The following NALCN variants were observed in gnomAD, a reference collection of about 807,000 sequenced individuals.
NALCN encodes the protein sodium leak channel NALCN.
NALCN carries 111 observed loss-of-function variants against 225.3 expected under a neutral mutation model. That is an observed-to-expected ratio of 0.49 (90% confidence interval 0.42 to 0.58). The LOEUF (loss-of-function observed/expected upper bound fraction) is 0.58. Among genes scored for constraint, NALCN ranks in the 20% least tolerant of loss-of-function variants. The pLI is 0.00. For missense variants in NALCN, 1,378 were observed against 2,202.4 expected (o/e 0.63, Z 7.49); for synonymous variants, 764 against 769.0 (o/e 0.99, Z 0.11).
At chr13:101,156,732 C>T (rs1239921281) in intron 15 of NALCN, among the ~76,000 whole-genome samples, 1 of 152,044 alleles carries the variant, frequency 6.6e-6, no homozygotes, top group African/African-American at 2.4e-5. Context: ...ACTTAGTGTG[C>T]ATGTAACGTT....
intron 17 of NALCN, 83 bp from the exon 18 acceptor site, chr13:101,124,764 T>TA: frequency 9.0e-7 from 1 of 1,107,362 alleles, no homozygotes; most frequent in Non-Finnish European, 1.4e-6. Flanking sequence ...ATGACATTGT[T>TA]AAAACATGAA....
At chr13:101,259,185 A>G (rs1328425886) in intron 10 of NALCN, among the ~76,000 whole-genome samples, 2 of 152,124 alleles carry the variant, frequency 1.3e-5, no homozygotes, top group Non-Finnish European at 2.9e-5. Flanking sequence ...CTAATAAGGA[A>G]ACTGAGGCTC....
chr13:101,331,121 T>A (rs1334150867), intron 7 of NALCN, among the ~76,000 whole-genome samples: 1 of 152,094 alleles, frequency 6.6e-6, no homozygotes, highest in Non-Finnish European at 1.5e-5. Flanking sequence ...CCAGTCACAG[T>A]TCAGGCCAGA....
chr13:101,055,830 A>T (rs1477060570), intron 43 of NALCN, among the ~76,000 whole-genome samples: 3 of 151,876 alleles, frequency 2.0e-5, no homozygotes, highest in African/African-American at 7.3e-5. Flanking sequence ...CATATGCAAT[A>T]AAAAAAACAA....
At chr13:101,359,657 G>A (rs899677935) in intron 6 of NALCN, among the ~76,000 whole-genome samples, 2 of 152,168 alleles carry the variant, frequency 1.3e-5, no homozygotes, top group Non-Finnish European at 2.9e-5. Context: ...TAATCTGGCA[G>A]CTGCCCTTCT....
chr13:101,323,004 C>T (rs2044807624), intron 7 of NALCN, among the ~76,000 whole-genome samples: 3 of 152,058 alleles, frequency 2.0e-5, no homozygotes, highest in South Asian at 4.1e-4. Context: ...TGAGCCACTG[C>T]GCCTGGCCCT....
intron 1 of NALCN, among the ~76,000 whole-genome samples, chr13:101,400,720 T>C (rs2047452250): frequency 6.6e-6 from 1 of 152,172 alleles, no homozygotes; most frequent in African/African-American, 2.4e-5. Flanking sequence ...TTTATCTACC[T>C]GGGCAGGTAT....
intron 38 of NALCN, 121 bp from the exon 39 acceptor site, chr13:101,068,154 A>T (rs2032573845): frequency 1.5e-6 from 1 of 650,910 alleles, no homozygotes; most frequent in East Asian, 2.8e-5. Context: ...CCAAATTTTT[A>T]AAGTGCTTTT....
chr13:101,409,564 T>G (rs2047719738), intron 1 of NALCN, among the ~76,000 whole-genome samples: 1 of 152,188 alleles, frequency 6.6e-6, no homozygotes, highest in African/African-American at 2.4e-5. Flanking sequence ...GCTGCTACTA[T>G]CATTTATATA....
intron 28 of NALCN, 138 bp from the exon 29 acceptor site, chr13:101,090,104 G>T (rs1163170101): frequency 1.6e-6 from 2 of 1,242,762 alleles, no homozygotes; most frequent in Admixed American, 2.2e-5. Flanking sequence ...ACACACACAC[G>T]TGTGCGTGCA....
chr13:101,176,423 C>T, intron 14 of NALCN, 49 bp from the exon 15 acceptor site: 2 of 1,394,896 alleles, frequency 1.4e-6, no homozygotes, highest in Admixed American at 2.2e-5. Flanking sequence ...CCATAAGTAT[C>T]AAAATATTAT....
At chr13:101,235,859 T>G (rs1404609139) in intron 12 of NALCN, among the ~76,000 whole-genome samples, 1 of 152,216 alleles carries the variant, frequency 6.6e-6, no homozygotes. Flanking sequence ...AAGTGTCTAG[T>G]TACCTGTGAT....
At chr13:101,281,122 C>G (rs1437574870) in intron 10 of NALCN, among the ~76,000 whole-genome samples, 1 of 152,138 alleles carries the variant, frequency 6.6e-6, no homozygotes, top group African/African-American at 2.4e-5. Context: ...CTCAGGTGAT[C>G]TGCCTGCCTC....
At chr13:101,143,324 T>C in intron 16 of NALCN, 103 bp from the exon 17 acceptor site, 8 of 1,205,780 alleles carry the variant, frequency 6.6e-6, no homozygotes, top group Middle Eastern at 5.1e-4. Flanking sequence ...AAAGCAGTGA[T>C]AAAAGATCAT....
chr13:101,297,129 T>C (rs2043785553), intron 7 of NALCN, among the ~76,000 whole-genome samples: 1 of 152,210 alleles, frequency 6.6e-6, no homozygotes. Context: ...TCTTCTAGTC[T>C]TAGGTTACAT....
rs538727952 is a variant in NALCN, at chr13:101,228,280, CATTA to C, written c.1626+1109_1626+1112del. ...ATCCCTAAAATAAAGCTAAGCTATCCATTAGAAGTACAGACCCTTTTGCTGTCAA... is the reference window on the plus strand; with the variant it reads ...ATCCCTAAAATAAAGCTAAGCTATCCGAAGTACAGACCCTTTTGCTGTCAA... On this transcript the variant is annotated intron_variant, in intron 13 of 43. Transcript: ENST00000251127. 3.3e-3 allele frequency among the ~76,000 whole-genome samples: 497 copies of C among 152,216 alleles called. 3 individuals are homozygous for C. The highest frequency in any genetic ancestry group is 0.01 in the African/African-American group (419 of 41,522).
Position 101,231,985 on chromosome 13 carries a change from A to C in NALCN, c.1435-2401T>G, listed in dbSNP as rs74120423. ...CTTTTGCTGGATGCCTTTAATAAGAAATGTTCTATTTCTTTTTTTTTTTTT... is the reference window on the plus strand; with the variant it reads ...CTTTTGCTGGATGCCTTTAATAAGACATGTTCTATTTCTTTTTTTTTTTTT... On this transcript the variant is annotated intron_variant, in intron 12 of 43. Transcript: ENST00000251127. 6.2e-3 allele frequency among the ~76,000 whole-genome samples: 929 copies of C among 150,694 alleles called. 11 individuals are homozygous for C. Among genetic ancestry groups the C allele is most frequent in the African/African-American group, 0.022 (892 of 40,704 alleles).
chr13:101,369,547 T>C (rs1478222043), intron 6 of NALCN, among the ~76,000 whole-genome samples: 2 of 152,200 alleles, frequency 1.3e-5, no homozygotes, highest in Admixed American at 1.3e-4. Flanking sequence ...TTTGCCAGCA[T>C]AATGCCTGAT....
rs539245739 is a variant in NALCN, at chr13:101,086,444, T to C, written c.3490-2640A>G. On this transcript the variant is annotated intron_variant, in intron 30 of 43. Coordinates refer to ENST00000251127, the MANE Select transcript of NALCN (RefSeq NM_052867.4). ...TATAATTTCTTCAACTCATAAATTA[T>C]TTATAGTATTGTCTTAATATTTCCA... Among the ~76,000 whole-genome samples the C allele has an allele frequency of 1.2e-3, 179 of 152,160 alleles. 1 individual carries two copies. Among genetic ancestry groups the C allele is most frequent in the African/African-American group, 4.1e-3 (170 of 41,578 alleles).
Sources: allele counts gnomAD v4.1 joint callset (sites outside exome capture counted in the v4.1 genomes callset), GRCh38; gene constraint gnomAD v4.1.1; transcripts MANE v1.5; gene names NCBI Gene and HGNC (gene_info 2026-07-23, HGNC 2026-07-21).